TENM4: variants seen among roughly 807,000 people sequenced by gnomAD.
TENM4 encodes the protein teneurin transmembrane protein 4.
In TENM4, 82 loss-of-function variants were observed where a neutral mutation model predicts 243.3. The ratio of observed to expected loss-of-function variants is 0.34; its 90% CI spans 0.28 to 0.40. The LOEUF is 0.40. TENM4 is among the 10% of genes least tolerant of loss of function. The probability of loss-of-function intolerance (pLI) is 1.00; values close to 1 mark genes in which losing one functional copy is unlikely to be tolerated. For missense variants in TENM4, 3,138 were observed against 3,673.3 expected, an observed-to-expected ratio of 0.85 and a Z score of 3.77; for synonymous variants, 1,412 against 1,456.3, an observed-to-expected ratio of 0.97 and a Z score of 0.69.
chr11:79,215,965 C>T (rs991985011), intron 2 of TENM4, 56 bp from the exon 3 acceptor site: 18 of 588,604 alleles, frequency 3.1e-5, no homozygotes, highest in Non-Finnish European at 3.8e-5. Flanking sequence ...TGCCCCAATC[C>T]TTTCTCACAG....
chr11:78,820,081 T>A (rs1483307071), intron 12 of TENM4, among the ~76,000 whole-genome samples: 2 of 152,196 alleles, frequency 1.3e-5, no homozygotes, highest in African/African-American at 4.8e-5. Context: ...GATTTATTAT[T>A]AGCAACCAAA....
chr11:78,980,073 G>C (rs1454397760), intron 6 of TENM4, among the ~76,000 whole-genome samples: 2 of 152,174 alleles, frequency 1.3e-5, no homozygotes, highest in Non-Finnish European at 2.9e-5. Context: ...ATTATATTCT[G>C]TAAGTCTATG....
At position 79,434,459 on chromosome 11, in the gene TENM4, A is replaced by G. The variant is rs537431710; in HGVS notation, c.-321+6050T>C. Among the ~76,000 whole-genome samples the G allele has an allele frequency of 1.2e-4, 19 of 152,274 alleles. No homozygotes were observed. In the Middle Eastern group the frequency reaches 0.014, roughly 109 times the overall value. On this transcript the variant is annotated intron_variant, in intron 1 of 33. Transcript: ENST00000278550. ...GAAGACACACACTCTTCTCGGAGGA[A>G]CTATTTGTCATTCACCATGGAGCCA...
chr11:79,070,044 G>A lies in TENM4; in HGVS notation c.-65-35C>T, dbSNP rs540210759. ...GGGAAACCAAAGATAGGGCGTGAGA[G>A]GCAGAGAACATTCCCGGGTTCATCC... On this transcript the variant is annotated intron_variant, in intron 4 of 33. Transcript: ENST00000278550. 2.7e-6 allele frequency: 4 copies of A among 1,470,052 alleles called. No individual in the cohort carries two copies. In the African/African-American group the frequency reaches 5.6e-5, roughly 21 times the overall value. The allele number at this position is 1,470,052 out of a possible 1,614,324, so 91.1% of individuals were successfully genotyped here.
At chr11:79,056,423 G>C (rs965475456) in intron 6 of TENM4, among the ~76,000 whole-genome samples, 6 of 151,864 alleles carry the variant, frequency 4.0e-5, no homozygotes, top group Non-Finnish European at 2.9e-5. Flanking sequence ...GCGGTTATGG[G>C]GTGCATTTAA....
intron 27 of TENM4, among the ~76,000 whole-genome samples, chr11:78,705,789 C>G (rs1442532402): frequency 6.6e-6 from 1 of 152,208 alleles, no homozygotes; most frequent in African/African-American, 2.4e-5. Context: ...TCCAGTTCCA[C>G]AATTGCTACA....
intron 1 of TENM4, among the ~76,000 whole-genome samples, chr11:79,399,211 A>G (rs993613209): frequency 2.6e-5 from 4 of 152,200 alleles, no homozygotes; most frequent in Admixed American, 2.0e-4. Context: ...CCTGAAGGCA[A>G]GCCAGTCCAC....
chr11:79,347,217 C>A (rs1209292289), intron 1 of TENM4, among the ~76,000 whole-genome samples: 2 of 152,188 alleles, frequency 1.3e-5, no homozygotes, highest in Non-Finnish European at 2.9e-5. Context: ...GTGTCTGCTA[C>A]ATAAATAAAG....
chr11:79,230,268 G>C (rs1331941780), intron 2 of TENM4, among the ~76,000 whole-genome samples: 1 of 152,178 alleles, frequency 6.6e-6, no homozygotes, highest in Non-Finnish European at 1.5e-5. Flanking sequence ...CTCTGGAGGA[G>C]TATCTCCATG....
intron 12 of TENM4, among the ~76,000 whole-genome samples, chr11:78,852,415 T>C (rs946166402): frequency 3.3e-5 from 5 of 152,322 alleles, no homozygotes; most frequent in Admixed American, 2.6e-4. Flanking sequence ...CTGGGCATGG[T>C]GGCTCATGCC....
intron 6 of TENM4, among the ~76,000 whole-genome samples, chr11:79,050,420 G>T (rs1859764874): frequency 6.6e-6 from 1 of 152,204 alleles, no homozygotes; most frequent in African/African-American, 2.4e-5. Context: ...TGTAGAGTGA[G>T]AGAGAGACGC....
intron 1 of TENM4, among the ~76,000 whole-genome samples, chr11:79,381,701 G>A (rs932755843): frequency 6.6e-6 from 1 of 151,468 alleles, no homozygotes. Context: ...TGTTTGGCAC[G>A]GTACAAAGCT....
At chr11:79,220,293 G>A (rs12222362) in intron 2 of TENM4, among the ~76,000 whole-genome samples, 6,286 of 152,288 alleles carry the variant, frequency 0.041, 179 homozygotes, top group East Asian at 0.14. Context: ...ATGGGACACA[G>A]TGATAGGTGT....
intron 26 of TENM4, among the ~76,000 whole-genome samples, chr11:78,710,704 C>T (rs1859377229): frequency 1.3e-5 from 2 of 152,180 alleles, no homozygotes; most frequent in African/African-American, 2.4e-5. Flanking sequence ...TAATTTTTCT[C>T]CTTTTGTTGT....
chr11:78,901,323 C>T (rs1006017150), intron 7 of TENM4, among the ~76,000 whole-genome samples: 2 of 152,014 alleles, frequency 1.3e-5, no homozygotes, highest in Non-Finnish European at 2.9e-5. Flanking sequence ...CATTGTCTAG[C>T]TGTTTTACAA....
intron 1 of TENM4, among the ~76,000 whole-genome samples, chr11:79,429,313 A>G (rs553349040): frequency 6.6e-6 from 1 of 152,208 alleles, no homozygotes; most frequent in Non-Finnish European, 1.5e-5. Flanking sequence ...ACCTCCCTCT[A>G]TTCACATCCT....
At chr11:79,314,547 C>G (rs770709174) in intron 1 of TENM4, among the ~76,000 whole-genome samples, 1 of 152,204 alleles carries the variant, frequency 6.6e-6, no homozygotes, top group Non-Finnish European at 1.5e-5. Flanking sequence ...CCTCACAGTT[C>G]TGTTGTGAGT....
At chr11:79,147,793 C>T (rs1183452785) in intron 4 of TENM4, among the ~76,000 whole-genome samples, 1 of 152,062 alleles carries the variant, frequency 6.6e-6, no homozygotes, top group African/African-American at 2.4e-5. Context: ...AACAGATGAT[C>T]AGAGATGAGA....
At chr11:78,808,261 G>T (rs918752179) in intron 14 of TENM4, among the ~76,000 whole-genome samples, 1 of 152,182 alleles carries the variant, frequency 6.6e-6, no homozygotes, top group Non-Finnish European at 1.5e-5. Flanking sequence ...TTGCTATTTA[G>T]GGTCTTAAAG....
Sources: allele counts gnomAD v4.1 joint callset (sites outside exome capture counted in the v4.1 genomes callset), GRCh38; gene constraint gnomAD v4.1.1; transcripts MANE v1.5; gene names NCBI Gene and HGNC (gene_info 2026-07-23, HGNC 2026-07-21).